Variants in ZNF777 observed in about 807,000 individuals in gnomAD.
ZNF777 encodes zinc finger protein 777.
Under a neutral mutation model 72.1 loss-of-function variants are expected in ZNF777, and 7 were observed. The observed-to-expected ratio is 0.10, with a 90% CI of 0.06 to 0.18. The LOEUF (loss-of-function observed/expected upper bound fraction) is 0.18, where lower values mean the gene tolerates loss of function less well. Among genes scored for constraint, ZNF777 ranks in the 10% least tolerant of loss-of-function variants. The pLI is 1.00. For missense variants in ZNF777, 828 were observed against 1,128.6 expected, an observed-to-expected ratio of 0.73 and a Z score of 3.82; for synonymous variants, 545 against 483.5, an observed-to-expected ratio of 1.13 and a Z score of -1.67.
At chr7:149,442,003 G>T (rs1016776411) in intron 4 of ZNF777, among the ~76,000 whole-genome samples, 4 of 151,608 alleles carry the variant, frequency 2.6e-5, no homozygotes, top group African/African-American at 9.7e-5. Flanking sequence ...AACTCCTGAC[G>T]TCAGGAGTTC....
Position 149,455,078 on chromosome 7 carries a change from C to T in ZNF777, c.846+99G>A. The T allele has an allele frequency of 6.9e-7, 1 of 1,444,896 alleles. No individual in the cohort carries two copies. Among genetic ancestry groups the T allele is most frequent in the African/African-American group, 1.4e-5 (1 of 70,450 alleles). 89.5% of individuals were successfully genotyped at this position (1,444,896 alleles called of 1,614,324 possible). The stretch of plus-strand genomic sequence containing the variant: ...GCAACTGGGATCACTGTATTTTTTC[C>T]TTTATCAACCACCCCTTTCTTTCAT... On this transcript the variant is annotated intron_variant, in intron 2 of 5. Transcript: ENST00000247930. This position sits in a 1 kb window ranked among gnomAD's most constrained non-coding sequence, Gnocchi z 4.2.
At chr7:149,433,368 G>C (rs1017294360) in intron 5 of ZNF777, among the ~76,000 whole-genome samples, 8 of 152,290 alleles carry the variant, frequency 5.3e-5, no homozygotes, top group Admixed American at 2.6e-4. Context: ...TTATATGAGC[G>C]ATACACACCC....
At chr7:149,443,935 C>G (rs1274771430) in intron 4 of ZNF777, among the ~76,000 whole-genome samples, 1 of 152,178 alleles carries the variant, frequency 6.6e-6, no homozygotes, top group Non-Finnish European at 1.5e-5. Context: ...TCCTCTGCCC[C>G]CATTTCCTGC....
chr7:149,459,001 T>C (rs961030122), intron 1 of ZNF777, among the ~76,000 whole-genome samples: 1 of 152,208 alleles, frequency 6.6e-6, no homozygotes, highest in African/African-American at 2.4e-5. Flanking sequence ...ATCTGACTTA[T>C]TAAGAAAGTC....
chr7:149,448,222 T>G (rs1006048898), intron 4 of ZNF777, among the ~76,000 whole-genome samples: 1 of 151,780 alleles, frequency 6.6e-6, no homozygotes, highest in Non-Finnish European at 1.5e-5. Context: ...TCCCAACACT[T>G]TGGGAGGCTG....
At position 149,460,432 on chromosome 7, in the gene ZNF777, C is replaced by T. The variant is rs1458953524; in HGVS notation, c.-16+383G>A. On this transcript the variant is annotated intron_variant, in intron 1 of 5. Coordinates refer to ENST00000247930, the MANE Select transcript of ZNF777 (RefSeq NM_015694.3). The surrounding 1 kb of genome is among the most constrained non-coding windows in gnomAD (Gnocchi z 6.1). ...GCTGCGTCCCGGCGGCGAGCTGGGC[C>T]CCGGCCCTCAACGGCGGCCCCCGGC... 1.4e-5 allele frequency among the ~76,000 whole-genome samples: 2 copies of T among 146,312 alleles called. No homozygotes were observed. The highest frequency in any genetic ancestry group is 4.9e-5 in the African/African-American group (2 of 40,788).
At chr7:149,449,666 G>C (rs1376922456) in intron 4 of ZNF777, among the ~76,000 whole-genome samples, 1 of 151,936 alleles carries the variant, frequency 6.6e-6, no homozygotes, top group Non-Finnish European at 1.5e-5. Context: ...CTTTGCTTTT[G>C]GATGTGGCCA....
intron 1 of ZNF777, among the ~76,000 whole-genome samples, chr7:149,459,154 T>C (rs562496929): frequency 2.6e-4 from 39 of 152,262 alleles, no homozygotes; most frequent in Admixed American, 1.8e-3. Flanking sequence ...GATTAAAGAA[T>C]TGGGATGCTT....
rs982694484 is a variant in ZNF777, at chr7:149,436,941, C to G, written c.1088-115G>C. 1.5e-6 allele frequency: 2 copies of G among 1,324,416 alleles called. No individual in the cohort carries two copies. The highest frequency in any genetic ancestry group is 2.1e-6 in the Non-Finnish European group (2 of 971,668). The allele number at this position is 1,324,416 out of a possible 1,614,324, so 82.0% of individuals were successfully genotyped here. On this transcript the variant is annotated intron_variant, in intron 4 of 5. Coordinates refer to ENST00000247930, the MANE Select transcript of ZNF777 (RefSeq NM_015694.3). The surrounding 1 kb of genome is among the most constrained non-coding windows in gnomAD (Gnocchi z 5.0). ...TCTCAATAAGTCTTATCTTAGAGAC[C>G]CTGAAGAAATGTAATATTGAGTTGG...
chr7:149,448,537 A>ATATATATATATATATATATAAC (rs1563237731), intron 4 of ZNF777, among the ~76,000 whole-genome samples: 2 of 139,094 alleles, frequency 1.4e-5, no homozygotes, highest in African/African-American at 5.6e-5. Flanking sequence ...ACATATAGTT[A>ATATATATATATATATATATAAC]TATATATAGT....
intron 4 of ZNF777, among the ~76,000 whole-genome samples, chr7:149,448,494 T>G (rs1044881536): frequency 4.3e-5 from 5 of 116,466 alleles, no homozygotes; most frequent in Non-Finnish European, 8.4e-5. Context: ...ACTATATATA[T>G]ATATATATAT....
intron 4 of ZNF777, among the ~76,000 whole-genome samples, chr7:149,444,233 AC>A (rs1422981777): frequency 1.3e-5 from 2 of 152,108 alleles, no homozygotes; most frequent in South Asian, 4.1e-4. Flanking sequence ...ACGCCTGTAA[AC>A]CTTCTTGCTT....
intron 3 of ZNF777, among the ~76,000 whole-genome samples, chr7:149,453,125 T>C (rs941573118): frequency 1.3e-5 from 2 of 152,196 alleles, no homozygotes; most frequent in Non-Finnish European, 2.9e-5. Context: ...GTATCATGCT[T>C]ATATCTGCAC....
intron 3 of ZNF777, among the ~76,000 whole-genome samples, chr7:149,451,629 T>C (rs1417594788): frequency 6.6e-6 from 1 of 151,616 alleles, no homozygotes; most frequent in African/African-American, 2.4e-5. Flanking sequence ...GAGGCAGAGG[T>C]TGCAGTGAGC....
intron 2 of ZNF777, among the ~76,000 whole-genome samples, chr7:149,454,504 T>C (rs1799782612): frequency 1.3e-5 from 2 of 152,234 alleles, no homozygotes; most frequent in African/African-American, 4.8e-5. Context: ...GACCCCACCT[T>C]AGACCTACTA....
Position 149,431,647 on chromosome 7 carries a change from G to A in ZNF777, c.*129C>T, listed in dbSNP as rs1235430539. On this transcript the variant is annotated 3_prime_UTR_variant, in exon 6 of 6. Coordinates refer to ENST00000247930, the MANE Select transcript of ZNF777 (RefSeq NM_015694.3). ...CATGTCCTTGGGAGGAGGGACGAGA[G>A]GAGAGGGGGAGCTCACGGCAAAGGG... 7 of 859,872 alleles carry A rather than the reference G, an allele frequency of 8.1e-6. No individual in the cohort carries two copies. The highest frequency in any genetic ancestry group is 9.1e-5 in the East Asian group (1 of 11,000). The allele number at this position is 859,872 out of a possible 1,614,324, so 53.3% of individuals were successfully genotyped here. A position where few individuals can be genotyped will look rare whatever the true frequency, so the allele number is the denominator to read the frequency against.
rs748441762 is a variant in ZNF777 at position 149,436,730 on chromosome 7, T to C, written c.1184A>G (p.Glu395Gly). 2.5e-6 allele frequency: 4 copies of C among 1,614,106 alleles called. No individual in the cohort carries two copies. Among genetic ancestry groups the C allele is most frequent in the Non-Finnish European group, 3.4e-6 (4 of 1,180,054 alleles). The change falls in exon 5 of 6, where the codon GAG becomes GGG. Residue 395 changes from glutamate (E) to glycine (G), a missense_variant. Physicochemically the swap from Glu to Gly is moderately conservative, Grantham distance 98. Coordinates refer to ENST00000247930, the MANE Select transcript of ZNF777 (RefSeq NM_015694.3). This position sits in a 1 kb window ranked among gnomAD's most constrained non-coding sequence, Gnocchi z 5.0. ...TPEPLMGQVE[E>G]HGFQDSELGD... ...CAGCTCTGAGTCCTGGAAGCCGTGC[T>C]CTTCCACCTGTCCCATCAGGGGCTC...
chr7:149,459,221 C>T, intron 1 of ZNF777, among the ~76,000 whole-genome samples: 1 of 152,134 alleles, frequency 6.6e-6, no homozygotes, highest in South Asian at 2.1e-4. Context: ...AACTGAGGCT[C>T]AAAGGCACTG....
chr7:149,444,164 G>A (rs934795090), intron 4 of ZNF777, among the ~76,000 whole-genome samples: 6 of 152,068 alleles, frequency 3.9e-5, no homozygotes, highest in South Asian at 2.1e-4. Context: ...TGTTTACCTC[G>A]CTAGATTATA....
Sources: gnomAD v4.1 joint callset for allele counts (sites outside exome capture counted in the v4.1 genomes callset) on GRCh38, gnomAD v4.1.1 for gene constraint, Gnocchi (gnomAD v3.1) non-coding constraint, MANE v1.5 for transcripts, NCBI Gene and HGNC (gene_info 2026-07-23, HGNC 2026-07-21) for gene names.